AKAP19: variants seen among roughly 807,000 people sequenced by gnomAD.
The protein encoded by AKAP19 is small A-kinase anchoring protein.
the AKAP19 span, among the ~76,000 whole-genome samples, chr2:189,889,116 C>T: frequency 6.6e-6 from 1 of 150,970 alleles, no homozygotes; most frequent in Admixed American, 6.6e-5. Context: ...TCTATCAATA[C>T]CTAGTTTATT....
the AKAP19 span, among the ~76,000 whole-genome samples, chr2:189,986,908 C>T: frequency 6.6e-6 from 1 of 152,004 alleles, no homozygotes; most frequent in Non-Finnish European, 1.5e-5. Context: ...TTTCAGATGG[C>T]CTCAAAGTAG....
At chr2:190,151,286 G>T in the AKAP19 span, among the ~76,000 whole-genome samples, 1 of 152,100 alleles carries the variant, frequency 6.6e-6, no homozygotes, top group Non-Finnish European at 1.5e-5. Flanking sequence ...GTGCTATGGT[G>T]GTTTGCTGCA....
the AKAP19 span, among the ~76,000 whole-genome samples, chr2:189,886,079 G>A: frequency 6.6e-6 from 1 of 152,164 alleles, no homozygotes; most frequent in Non-Finnish European, 1.5e-5. Context: ...AAAGTGCTGG[G>A]ATTACAGGCA....
At chr2:189,883,957 A>C in the AKAP19 span, among the ~76,000 whole-genome samples, 3 of 152,158 alleles carry the variant, frequency 2.0e-5, no homozygotes, top group African/African-American at 7.2e-5. Flanking sequence ...ATAGTTTTTT[A>C]ATTTATAAAG....
the AKAP19 span, among the ~76,000 whole-genome samples, chr2:189,891,250 G>A: frequency 2.5e-5 from 3 of 118,526 alleles, no homozygotes; most frequent in African/African-American, 1.1e-4. Context: ...TTTTGAGACA[G>A]TCTCATTCTG....
chr2:190,169,389 A>G, the AKAP19 span, among the ~76,000 whole-genome samples: 2 of 152,160 alleles, frequency 1.3e-5, no homozygotes, highest in African/African-American at 4.8e-5. Context: ...CTGCAGCTCA[A>G]GCTGGTGAGG....
chr2:190,040,575 C>A, the AKAP19 span, among the ~76,000 whole-genome samples: 1 of 151,970 alleles, frequency 6.6e-6, no homozygotes, highest in African/African-American at 2.4e-5. Context: ...TGGTGAAAAT[C>A]TTTGCCATGA....
At chr2:189,941,396 A>G in the AKAP19 span, among the ~76,000 whole-genome samples, 1 of 152,252 alleles carries the variant, frequency 6.6e-6, no homozygotes, top group South Asian at 2.1e-4. Flanking sequence ...CTGGAAAACA[A>G]TAATAGCTAC....
chr2:190,020,907 C>T, the AKAP19 span, among the ~76,000 whole-genome samples: 1 of 152,188 alleles, frequency 6.6e-6, no homozygotes, highest in African/African-American at 2.4e-5. Context: ...GCATGATATT[C>T]ATAAGGTTTA....
chr2:190,175,194 T>C, the AKAP19 span, among the ~76,000 whole-genome samples: 29,992 of 152,172 alleles, frequency 0.2, 3,063 homozygotes, highest in East Asian at 0.24. Flanking sequence ...TGTCTATTAA[T>C]GATGCTTTAA....
chr2:190,193,768 T>A, the AKAP19 span, among the ~76,000 whole-genome samples: 1 of 152,300 alleles, frequency 6.6e-6, no homozygotes, highest in Non-Finnish European at 1.5e-5. Flanking sequence ...GAACCAGCAT[T>A]CATTCTGTTG....
At chr2:189,976,229 A>G in the AKAP19 span, among the ~76,000 whole-genome samples, 1 of 152,208 alleles carries the variant, frequency 6.6e-6, no homozygotes, top group Non-Finnish European at 1.5e-5. Context: ...CTGTTGGAGT[A>G]TGCTGGAGGT....
the AKAP19 span, among the ~76,000 whole-genome samples, chr2:189,929,215 A>C: frequency 1.3e-5 from 2 of 152,172 alleles, no homozygotes; most frequent in African/African-American, 4.8e-5. Context: ...ACAGGGACTG[A>C]GATGTGTTTT....
the AKAP19 span, among the ~76,000 whole-genome samples, chr2:190,004,747 G>C: frequency 2.0e-5 from 3 of 152,040 alleles, no homozygotes; most frequent in African/African-American, 7.2e-5. Flanking sequence ...ATAGGAGAAA[G>C]AGCAGAGCAT....
chr2:190,031,825 A>G, the AKAP19 span, among the ~76,000 whole-genome samples: 1 of 152,216 alleles, frequency 6.6e-6, no homozygotes, highest in African/African-American at 2.4e-5. Context: ...TATGCTTAGT[A>G]AATTGGACAA....
chr2:190,195,461 G>C, the AKAP19 span, among the ~76,000 whole-genome samples: 2 of 152,168 alleles, frequency 1.3e-5, no homozygotes, highest in Admixed American at 1.3e-4. Context: ...GAGTTCTGTT[G>C]CTTTTGCCAT....
chr2:189,943,831 T>C, the AKAP19 span, among the ~76,000 whole-genome samples: 2 of 152,262 alleles, frequency 1.3e-5, no homozygotes, highest in Non-Finnish European at 2.9e-5. Flanking sequence ...ATGACTGCCC[T>C]GCAGCGTTAT....
At chr2:190,018,418 C>A in the AKAP19 span, among the ~76,000 whole-genome samples, 1 of 151,862 alleles carries the variant, frequency 6.6e-6, no homozygotes, top group Non-Finnish European at 1.5e-5. Context: ...TTTATTGAGC[C>A]TACTGTTGGA....
At chr2:190,188,073 T>C in the AKAP19 span, among the ~76,000 whole-genome samples, 1 of 152,214 alleles carries the variant, frequency 6.6e-6, no homozygotes, top group Non-Finnish European at 1.5e-5. Flanking sequence ...CATTGTGATT[T>C]GAGGGGTAGG....
Sources: gnomAD v4.1 joint callset for allele counts (sites outside exome capture counted in the v4.1 genomes callset) on GRCh38, gnomAD v4.1.1 for gene constraint, MANE v1.5 for transcripts, NCBI Gene and HGNC (gene_info 2026-07-23, HGNC 2026-07-21) for gene names.